The following BOC variants were observed in gnomAD, a reference collection of about 807,000 sequenced individuals.
The protein encoded by BOC is BOC cell adhesion associated, oncogene regulated.
In BOC, 76 loss-of-function variants were observed where a neutral mutation model predicts 112.0. That is an observed-to-expected ratio of 0.68 (90% CI 0.56 to 0.82). The LOEUF (loss-of-function observed/expected upper bound fraction) is 0.82. Among genes scored for constraint, BOC ranks in the 40% least tolerant of loss-of-function variants. The probability of loss-of-function intolerance (pLI) is 0.00; values close to 1 mark genes in which losing one functional copy is unlikely to be tolerated. For missense variants in BOC, 1,309 were observed against 1,511.7 expected (o/e 0.87, Z 2.22); for synonymous variants, 580 against 599.8 (o/e 0.97, Z 0.48).
At chr3:113,215,462 A>G (rs577382034) in intron 1 of BOC, among the ~76,000 whole-genome samples, 4 of 152,302 alleles carry the variant, frequency 2.6e-5, no homozygotes, top group South Asian at 2.1e-4. Context: ...CTATTCCTAC[A>G]TCTCTACTGC....
At chr3:113,267,701 C>T (rs1039249359) in intron 4 of BOC, among the ~76,000 whole-genome samples, 11 of 152,306 alleles carry the variant, frequency 7.2e-5, no homozygotes, top group Middle Eastern at 6.8e-3. Flanking sequence ...TACTTGTCAT[C>T]GTGGATGCCT....
rs543873217 is a variant in BOC at position 113,229,569 on chromosome 3, G to A, written c.-82+13295G>A. Among the ~76,000 whole-genome samples, 16 of 152,218 alleles carry A rather than the reference G, an allele frequency of 1.1e-4. No homozygotes were observed. The South Asian group carries it at 1.7e-3, about 16-fold the overall frequency. ...CAAAGTAGATGTTCTTTGCAATGGC[G>A]GCCTCCTCTTTCATCTTTATTTCTG... is the stretch of plus-strand genomic sequence containing the variant. On this transcript the variant is annotated intron_variant, in intron 2 of 19. Transcript: ENST00000682979.
At chr3:113,225,230 C>T (rs900262607) in intron 2 of BOC, among the ~76,000 whole-genome samples, 2 of 151,620 alleles carry the variant, frequency 1.3e-5, no homozygotes, top group African/African-American at 4.8e-5. Context: ...GCCGAGATTG[C>T]ACCACTGCAC....
At chr3:113,234,568 G>T (rs1040912476) in intron 2 of BOC, among the ~76,000 whole-genome samples, 1 of 152,214 alleles carries the variant, frequency 6.6e-6, no homozygotes, top group South Asian at 2.1e-4. Context: ...ATGGGGGCTA[G>T]GTCCTAAGCT....
intron 5 of BOC, among the ~76,000 whole-genome samples, chr3:113,269,171 G>A (rs1295867508): frequency 2.0e-5 from 3 of 152,206 alleles, no homozygotes; most frequent in Non-Finnish European, 2.9e-5. Flanking sequence ...TCCCCATGCA[G>A]CAGAGCAATC....
rs1420446399 is a variant in BOC at position 113,286,817 on chromosome 3, G to A, written c.3303G>A (p.Gly1101=). The A allele has an allele frequency of 1.2e-6, 2 of 1,609,414 alleles. No homozygotes were observed. Among genetic ancestry groups the A allele is most frequent in the Non-Finnish European group, 1.7e-6 (2 of 1,178,072 alleles). Residue 1101 remains glycine, a synonymous_variant, in exon 20 of 20, where the codon GGG becomes GGA. Coordinates refer to ENST00000682979, the MANE Select transcript of BOC (RefSeq NM_001378074.1). ...GQEPGMQLSP[G]PLVRVSFETP... ...AACCTGGAATGCAGCTCTCCCCGGGGCCACTGGTGCGTGTGTCTTTTGAAA... is the reference window on the plus strand; with the variant it reads ...AACCTGGAATGCAGCTCTCCCCGGGACCACTGGTGCGTGTGTCTTTTGAAA...
chr3:113,236,164 A>G (rs1020099071), intron 2 of BOC, among the ~76,000 whole-genome samples: 1 of 147,828 alleles, frequency 6.8e-6, no homozygotes, highest in East Asian at 2.0e-4. Context: ...GAATCAACAT[A>G]AATGTCTATC....
At chr3:113,242,693 T>G (rs1351908727) in intron 2 of BOC, among the ~76,000 whole-genome samples, 1 of 152,084 alleles carries the variant, frequency 6.6e-6, no homozygotes, top group Admixed American at 6.5e-5. Context: ...TTTGATTATA[T>G]ATTCCCTTGC....
In BOC at chr3:113,278,052, C is replaced by G; in HGVS notation, c.1543-43C>G. Reference sequence around the variant, plus strand: ...TTGTAAACCATAGCCCACTCGTAGCCCGAGGCTGAGATGCCGGTCTTTATA... The same window carrying G: ...TTGTAAACCATAGCCCACTCGTAGCGCGAGGCTGAGATGCCGGTCTTTATA... On this transcript the variant is annotated intron_variant, in intron 9 of 19. Coordinates refer to ENST00000682979, the MANE Select transcript of BOC (RefSeq NM_001378074.1). The surrounding 1 kb of genome is among the most constrained non-coding windows in gnomAD (Gnocchi z 4.2). The G allele has an allele frequency of 6.2e-7, 1 of 1,610,378 alleles. No individual in the cohort carries two copies. The highest frequency in any genetic ancestry group is 2.2e-5 in the East Asian group (1 of 44,846).
intron 2 of BOC, among the ~76,000 whole-genome samples, chr3:113,237,561 G>C (rs1943734874): frequency 6.6e-6 from 1 of 152,164 alleles, no homozygotes; most frequent in African/African-American, 2.4e-5. Context: ...GATGAGATGA[G>C]AAGGAAAACA....
At chr3:113,230,571 C>T (rs1942453468) in intron 2 of BOC, among the ~76,000 whole-genome samples, 1 of 152,160 alleles carries the variant, frequency 6.6e-6, no homozygotes, top group African/African-American at 2.4e-5. Flanking sequence ...TACTACCGAC[C>T]TCATATAGTT....
intron 2 of BOC, among the ~76,000 whole-genome samples, chr3:113,232,407 G>A (rs1364667499): frequency 1.3e-5 from 2 of 152,246 alleles, no homozygotes; most frequent in Non-Finnish European, 1.5e-5. Flanking sequence ...GAGAAAGGAA[G>A]GATTGGGGAT....
At chr3:113,267,675 G>A (rs374691889) in intron 4 of BOC, among the ~76,000 whole-genome samples, 58 of 152,346 alleles carry the variant, frequency 3.8e-4, no homozygotes, top group African/African-American at 1.4e-3. Flanking sequence ...GCAACCAAGT[G>A]GAATCTCAGG....
chr3:113,237,248 C>T (rs1490247865), intron 2 of BOC, among the ~76,000 whole-genome samples: 1 of 152,210 alleles, frequency 6.6e-6, no homozygotes, highest in African/African-American at 2.4e-5. Flanking sequence ...GCCGTGGGCT[C>T]AGCACATCAT....
intron 2 of BOC, among the ~76,000 whole-genome samples, chr3:113,221,592 C>T (rs748637742): frequency 2.0e-5 from 3 of 152,190 alleles, no homozygotes; most frequent in East Asian, 1.9e-4. Flanking sequence ...GTAATATTGG[C>T]CTTACCTTCA....
chr3:113,279,210 C>T (rs1452284268), intron 11 of BOC, 39 bp from the exon 12 acceptor site: 1 of 1,594,520 alleles, frequency 6.3e-7, no homozygotes, highest in South Asian at 1.1e-5. Flanking sequence ...CACGTCATCT[C>T]ACCCTGCTTC....
chr3:113,215,525 T>A (rs1350749120), intron 1 of BOC, among the ~76,000 whole-genome samples: 2 of 152,168 alleles, frequency 1.3e-5, no homozygotes, highest in Admixed American at 6.5e-5. Context: ...GCCCTTCCTT[T>A]TATTACTCCA....
chr3:113,258,270 G>A (rs1393795642), intron 4 of BOC, among the ~76,000 whole-genome samples: 4 of 152,082 alleles, frequency 2.6e-5, no homozygotes, highest in South Asian at 4.2e-4. Context: ...GGATGGCACC[G>A]ATACTGCCAT....
intron 7 of BOC, 36 bp from the exon 8 acceptor site, chr3:113,273,031 GAC>G: frequency 6.4e-7 from 1 of 1,570,708 alleles, no homozygotes; most frequent in Non-Finnish European, 8.7e-7. Context: ...GGGACAGAAA[GAC>G]ACAGCCCTTC....
Sources: gnomAD v4.1 joint callset for allele counts (sites outside exome capture counted in the v4.1 genomes callset) on GRCh38, gnomAD v4.1.1 for gene constraint, Gnocchi (gnomAD v3.1) non-coding constraint, MANE v1.5 for transcripts, NCBI Gene and HGNC (gene_info 2026-07-23, HGNC 2026-07-21) for gene names.